The following SEPTIN14 variants were observed in gnomAD, a reference collection of about 807,000 sequenced individuals.
SEPTIN14 encodes the protein septin 14.
In SEPTIN14, 40 loss-of-function variants were observed where a neutral mutation model predicts 53.6. The observed-to-expected ratio is 0.75, with a 90% CI of 0.58 to 0.97. The LOEUF (loss-of-function observed/expected upper bound fraction) is 0.97, where lower values mean the gene tolerates loss of function less well. Ranked by LOEUF, SEPTIN14 falls within the 50% of genes least tolerant of loss-of-function variation. The pLI, the probability that SEPTIN14 is intolerant of heterozygous loss-of-function variation, is 0.00. For synonymous variants in SEPTIN14, 138 were observed against 166.8 expected, an observed-to-expected ratio of 0.83 and a Z score of 1.33; for missense variants, 471 against 508.2, an observed-to-expected ratio of 0.93 and a Z score of 0.70.
chr7:55,862,246 CA>C (rs1789762390), intron 1 of SEPTIN14, among the ~76,000 whole-genome samples: 1 of 151,730 alleles, frequency 6.6e-6, no homozygotes. Context: ...CATAAGCACA[CA>C]AAAAGCATCT....
chr7:55,799,850 G>A (rs1420622435), intron 9 of SEPTIN14, among the ~76,000 whole-genome samples: 1 of 152,060 alleles, frequency 6.6e-6, no homozygotes, highest in Non-Finnish European at 1.5e-5. Flanking sequence ...AAAGTAAGTA[G>A]GGAAAGAGTA....
intron 6 of SEPTIN14, among the ~76,000 whole-genome samples, chr7:55,830,448 G>A (rs1245982321): frequency 2.1e-5 from 3 of 146,152 alleles, no homozygotes; most frequent in African/African-American, 7.5e-5. Context: ...TCGGGTTCAC[G>A]CCATTCTGCC....
rs1006276234 is a variant in SEPTIN14, at chr7:55,835,480, G to A, written c.559-894C>T. Among the ~76,000 whole-genome samples, 16 of 152,226 alleles carry A rather than the reference G, an allele frequency of 1.1e-4. 1 individual carries two copies. The South Asian group carries it at 2.3e-3, about 22-fold the overall frequency. On this transcript the variant is annotated intron_variant, in intron 5 of 9. Coordinates refer to ENST00000388975, the MANE Select transcript of SEPTIN14 (RefSeq NM_207366.3). ...GCCTCCCAAAGTGCTGGGATTACAG[G>A]CCTGAGCCACCGTGCCTGGTCTATT...
intron 2 of SEPTIN14, among the ~76,000 whole-genome samples, chr7:55,852,090 C>T (rs1437870218): frequency 2.7e-5 from 4 of 148,788 alleles, no homozygotes; most frequent in Admixed American, 6.8e-5. Flanking sequence ...TGCAGTGAGC[C>T]GAGATTGCGC....
rs553411605 is a variant in SEPTIN14, at chr7:55,851,805, A to G, written c.55-5168T>C. ...GGGTGGATCATGAGGTCAGGAGATCAAGACCAACCTGGCTAACACGGTGAA... is the reference window on the plus strand; with the variant it reads ...GGGTGGATCATGAGGTCAGGAGATCGAGACCAACCTGGCTAACACGGTGAA... On this transcript the variant is annotated intron_variant, in intron 2 of 9. Transcript: ENST00000388975. 2.8e-3 allele frequency among the ~76,000 whole-genome samples: 422 copies of G among 151,236 alleles called. 5 individuals carry two copies. The highest frequency in any genetic ancestry group is 0.01 in the Middle Eastern group (3 of 292).
rs1788421840 is a variant in SEPTIN14 at position 55,795,845 on chromosome 7, T to C, written c.*68A>G. ...AAATGAGAACTTCAGAGTTAAATGC[T>C]ACAAAGACAATCTCACAGGAAGTTG... On this transcript the variant is annotated 3_prime_UTR_variant, in exon 10 of 10. Coordinates refer to ENST00000388975, the MANE Select transcript of SEPTIN14 (RefSeq NM_207366.3). 8.5e-7 allele frequency: 1 copy of C among 1,178,782 alleles called. No homozygotes were observed. The highest frequency in any genetic ancestry group is 1.2e-6 in the Non-Finnish European group (1 of 809,296). The allele number at this position is 1,178,782 out of a possible 1,614,324, so 73.0% of individuals were successfully genotyped here.
At position 55,805,391 on chromosome 7, in the gene SEPTIN14, CT is replaced by C; in HGVS notation, c.987-2del. ...TTTGGCTTCAAAGATTTCTTGAAAACTAAAGAGAAATGTTTTCTTAGTCTTA... is the reference window on the plus strand; with the variant it reads ...TTTGGCTTCAAAGATTTCTTGAAAACAAAGAGAAATGTTTTCTTAGTCTTA... On this transcript the variant is annotated splice_acceptor_variant, in intron 8 of 9. Coordinates refer to ENST00000388975, the MANE Select transcript of SEPTIN14 (RefSeq NM_207366.3). LOFTEE classifies it high-confidence loss of function. 6.4e-7 allele frequency: 1 copy of C among 1,566,896 alleles called. No individual in the cohort carries two copies.
rs1414149556 is a variant in SEPTIN14, at chr7:55,795,915, A to G, written c.1297T>C (p.Ter433GlnextTer1). 1 of 1,589,058 alleles carries G rather than the reference A, an allele frequency of 6.3e-7. No individual in the cohort carries two copies. Among genetic ancestry groups the G allele is most frequent in the African/African-American group, 1.3e-5 (1 of 74,854 alleles). The stretch of plus-strand genomic sequence containing the variant: ...TCTCAGAATAGTAAGAGAAACTATT[A>G]TTTCTTACGATGTTTGTCTTTCTTT... ...DTKKDKHRKK[*>Q] The change falls in exon 10 of 10, where the codon TAA (stop) becomes CAA (glutamine). Residue 433 changes from the stop codon to glutamine (Q), a stop_lost. Transcript: ENST00000388975.
intron 5 of SEPTIN14, among the ~76,000 whole-genome samples, chr7:55,834,877 C>T (rs916870178): frequency 6.6e-6 from 1 of 152,112 alleles, no homozygotes; most frequent in African/African-American, 2.4e-5. Flanking sequence ...AATCTCCTGA[C>T]CTCGTGATCC....
At chr7:55,830,372 A>T (rs1231168750) in intron 6 of SEPTIN14, among the ~76,000 whole-genome samples, 3 of 91,140 alleles carry the variant, frequency 3.3e-5, no homozygotes, top group South Asian at 3.2e-4. Flanking sequence ...TTTGAGACGG[A>T]GTCTCGCTCT....
At chr7:55,837,588 AT>A (rs1010219370) in intron 5 of SEPTIN14, among the ~76,000 whole-genome samples, 92 of 146,146 alleles carry the variant, frequency 6.3e-4, no homozygotes, top group Admixed American at 6.2e-4. Context: ...TTTTTTATTT[AT>A]TTTTTTTTTT....
chr7:55,810,194 G>T (rs956387960), intron 7 of SEPTIN14, among the ~76,000 whole-genome samples: 2 of 150,154 alleles, frequency 1.3e-5, no homozygotes, highest in Non-Finnish European at 1.5e-5. Flanking sequence ...TGTTTAATTC[G>T]CATTTTCCTG....
Position 55,844,730 on chromosome 7 carries a change from A to G in SEPTIN14, c.176-12T>C. The G allele has an allele frequency of 6.7e-7, 1 of 1,489,570 alleles. No homozygotes were observed. The allele number at this position is 1,489,570 out of a possible 1,614,324, so 92.3% of individuals were successfully genotyped here. On this transcript the variant is annotated splice_polypyrimidine_tract_variant and intron_variant, in intron 3 of 9. Coordinates refer to ENST00000388975, the MANE Select transcript of SEPTIN14 (RefSeq NM_207366.3). ...AATTCCAGTCTCCCCTGTAATAGAC[A>G]TAGAGTCATTGTCATAGGGACATAA...
chr7:55,821,987 AT>A (rs1265562162), intron 6 of SEPTIN14, among the ~76,000 whole-genome samples: 1 of 152,196 alleles, frequency 6.6e-6, no homozygotes, highest in Non-Finnish European at 1.5e-5. Context: ...GCAAGAGAAA[AT>A]TAGGAAGAAG....
At chr7:55,855,657 G>A (rs61492121) in intron 2 of SEPTIN14, among the ~76,000 whole-genome samples, 20,982 of 152,150 alleles carry the variant, frequency 0.14, 1,869 homozygotes, top group Non-Finnish European at 0.2. Flanking sequence ...CCTGGTTCAA[G>A]CAATTCTCCT....
At chr7:55,861,384 C>T (rs1173389804) in intron 2 of SEPTIN14, among the ~76,000 whole-genome samples, 3 of 152,020 alleles carry the variant, frequency 2.0e-5, no homozygotes, top group African/African-American at 7.2e-5. Context: ...TGCCTGTAAT[C>T]CCAGCTACTT....
intron 2 of SEPTIN14, among the ~76,000 whole-genome samples, chr7:55,857,742 C>T (rs1343594673): frequency 6.6e-5 from 10 of 151,146 alleles, no homozygotes; most frequent in Non-Finnish European, 1.2e-4. Flanking sequence ...CGCCCGCCAC[C>T]ACGCCCGGCT....
intron 5 of SEPTIN14, among the ~76,000 whole-genome samples, chr7:55,837,119 T>C (rs1009583937): frequency 1.3e-5 from 2 of 151,204 alleles, no homozygotes; most frequent in East Asian, 3.9e-4. Flanking sequence ...CTTTTTTTTT[T>C]TTTTGAGAGA....
At chr7:55,829,277 G>A (rs1033488546) in intron 6 of SEPTIN14, among the ~76,000 whole-genome samples, 1 of 151,598 alleles carries the variant, frequency 6.6e-6, no homozygotes, top group African/African-American at 2.4e-5. Context: ...TACTCAGGAG[G>A]CTGAGGCATG....
Sources: allele counts gnomAD v4.1 joint callset (sites outside exome capture counted in the v4.1 genomes callset), GRCh38; gene constraint gnomAD v4.1.1; transcripts MANE v1.5; gene names NCBI Gene and HGNC (gene_info 2026-07-23, HGNC 2026-07-21).